The following COL21A1 variants were observed in gnomAD, a reference collection of about 807,000 sequenced individuals.
The protein encoded by COL21A1 is collagen alpha-1(XXI) chain.
A neutral mutation model predicts 137.9 loss-of-function variants in COL21A1; 149 were observed. The ratio of observed to expected loss-of-function variants is 1.08; its 90% confidence interval spans 0.95 to 1.24. The LOEUF (loss-of-function observed/expected upper bound fraction) is 1.24. Ranked by LOEUF, COL21A1 falls within the 50% of genes most tolerant of loss-of-function variation. The pLI, the probability that COL21A1 is intolerant of heterozygous loss-of-function variation, is 0.00. For missense variants in COL21A1, 1,167 were observed against 1,158.4 expected (o/e 1.01, Z -0.11); for synonymous variants, 456 against 391.5 (o/e 1.16, Z -1.95).
chr6:56,354,739 G>A (rs1298570777), intron 1 of COL21A1, among the ~76,000 whole-genome samples: 1 of 152,142 alleles, frequency 6.6e-6, no homozygotes, highest in African/African-American at 2.4e-5. Context: ...GTATGGTGGT[G>A]CATGCCTGCA....
At chr6:56,208,578 C>T (rs549339720) in intron 1 of COL21A1, among the ~76,000 whole-genome samples, 30 of 152,178 alleles carry the variant, frequency 2.0e-4, no homozygotes, top group Middle Eastern at 3.4e-3. Flanking sequence ...GAATCAATAT[C>T]GTGAAAATGA....
intron 1 of COL21A1, among the ~76,000 whole-genome samples, chr6:56,302,707 T>C (rs1335362767): frequency 1.3e-5 from 2 of 151,952 alleles, no homozygotes; most frequent in African/African-American, 4.8e-5. Context: ...GTAGTTTCTT[T>C]TGCTGTGCAG....
At chr6:56,313,382 A>T (rs1316707225) in intron 1 of COL21A1, among the ~76,000 whole-genome samples, 1 of 151,990 alleles carries the variant, frequency 6.6e-6, no homozygotes, top group African/African-American at 2.4e-5. Context: ...TCATAACAAC[A>T]TATCATAGGA....
intron 1 of COL21A1, among the ~76,000 whole-genome samples, chr6:56,290,499 A>ATTTTTTTT (rs1268560590): frequency 6.4e-5 from 9 of 139,968 alleles, no homozygotes; most frequent in Non-Finnish European, 3.0e-5. Flanking sequence ...CACTTAGGAG[A>ATTTTTTTT]TTTTTTTTTT....
In COL21A1 at chr6:56,067,187, C is replaced by A. The variant is rs78489060; in HGVS notation, c.2127+108G>T. 4.1e-3 allele frequency: 3,751 copies of A among 917,392 alleles called. 102 individuals carry two copies. The African/African-American group carries it at 0.058, about 14-fold the overall frequency. 56.8% of individuals were successfully genotyped at this position (917,392 alleles called of 1,614,324 possible). ...AGCAAAAGGAGAAAATAGGATTTAA[C>A]AACTTTATATTAATGTTGAAACAGA... On this transcript the variant is annotated intron_variant, in intron 23 of 29. Coordinates refer to ENST00000244728, the MANE Select transcript of COL21A1 (RefSeq NM_030820.4).
At chr6:56,384,768 T>C (rs576876286) in intron 1 of COL21A1, among the ~76,000 whole-genome samples, 3 of 152,298 alleles carry the variant, frequency 2.0e-5, no homozygotes, top group Admixed American at 6.5e-5. Flanking sequence ...TAATAACACT[T>C]ATAAGCCACT....
intron 1 of COL21A1, among the ~76,000 whole-genome samples, chr6:56,195,008 G>A (rs1778930248): frequency 6.6e-6 from 1 of 152,020 alleles, no homozygotes; most frequent in African/African-American, 2.4e-5. Flanking sequence ...GGGACTGGTG[G>A]CTTTATGAAA....
chr6:56,362,669 C>G (rs998968940), intron 1 of COL21A1, among the ~76,000 whole-genome samples: 1 of 152,190 alleles, frequency 6.6e-6, no homozygotes, highest in South Asian at 2.1e-4. Context: ...ACTTTCCACA[C>G]GGGCACAACC....
At chr6:56,157,990 G>A (rs908434473) in intron 9 of COL21A1, among the ~76,000 whole-genome samples, 4 of 152,100 alleles carry the variant, frequency 2.6e-5, no homozygotes, top group African/African-American at 4.8e-5. Flanking sequence ...GAACTCTTGC[G>A]TGTTGCCCAA....
intron 1 of COL21A1, among the ~76,000 whole-genome samples, chr6:56,308,419 G>A (rs6918786): frequency 0.84 from 128,196 of 151,988 alleles, 56,033 homozygotes; most frequent in South Asian, 0.97. Flanking sequence ...CTAGCCCAAA[G>A]GGACTAAGAC....
chr6:56,225,480 T>G (rs142730707), intron 1 of COL21A1, among the ~76,000 whole-genome samples: 1 of 152,064 alleles, frequency 6.6e-6, no homozygotes, highest in East Asian at 1.9e-4. Context: ...CTATGGTAGC[T>G]AGTGGAATGA....
rs533893930 is a variant in COL21A1 at position 56,271,085 on chromosome 6, G to A, written c.-38-88429C>T. Among the ~76,000 whole-genome samples, 24 of 152,302 alleles carry A rather than the reference G, an allele frequency of 1.6e-4. No individual in the cohort carries two copies. The East Asian group carries it at 4.4e-3, about 28-fold the overall frequency. ...GGAAGAGGTTGGAACAGTTTGGATG[G>A]CGCAGAAGAAGACAGTAAGATGAGG... On this transcript the variant is annotated intron_variant, in intron 1 of 28. Transcript: ENST00000370819.
chr6:56,139,960 C>T (rs372740209), intron 12 of COL21A1, among the ~76,000 whole-genome samples: 2 of 152,124 alleles, frequency 1.3e-5, no homozygotes, highest in East Asian at 3.9e-4. Flanking sequence ...ATTTCTTAAG[C>T]CCAGAAAAGT....
chr6:56,172,011 C>T (rs533546765), intron 3 of COL21A1, among the ~76,000 whole-genome samples: 1 of 150,618 alleles, frequency 6.6e-6, no homozygotes, highest in African/African-American at 2.4e-5. Context: ...GTGAAGAAAG[C>T]CTAAGAGATT....
chr6:56,225,407 T>C (rs868123389), intron 1 of COL21A1, among the ~76,000 whole-genome samples: 3 of 152,056 alleles, frequency 2.0e-5, no homozygotes, highest in African/African-American at 7.2e-5. Context: ...TACTACTCAC[T>C]CCTCAGTAAG....
intron 12 of COL21A1, among the ~76,000 whole-genome samples, chr6:56,137,931 G>A (rs562311551): frequency 6.6e-6 from 1 of 152,296 alleles, no homozygotes; most frequent in South Asian, 2.1e-4. Flanking sequence ...GCACACATAA[G>A]TCAGCACCAT....
chr6:56,186,381 C>A (rs142844998), intron 1 of COL21A1, among the ~76,000 whole-genome samples: 1 of 152,090 alleles, frequency 6.6e-6, no homozygotes, highest in African/African-American at 2.4e-5. Context: ...ATAAAAAAAT[C>A]GACATACAAC....
chr6:56,386,282 GTA>G (rs1322263189), intron 1 of COL21A1, among the ~76,000 whole-genome samples: 5 of 152,148 alleles, frequency 3.3e-5, no homozygotes, highest in Non-Finnish European at 7.3e-5. Context: ...ATACCCCATT[GTA>G]GGGCTATGAA....
chr6:56,106,603 C>G (rs932617424), intron 16 of COL21A1, among the ~76,000 whole-genome samples: 1 of 152,082 alleles, frequency 6.6e-6, no homozygotes, highest in Non-Finnish European at 1.5e-5. Flanking sequence ...ACATGTACAA[C>G]CCTGTTTATT....
Sources: gnomAD v4.1 joint callset for allele counts (sites outside exome capture counted in the v4.1 genomes callset) on GRCh38, gnomAD v4.1.1 for gene constraint, MANE v1.5 for transcripts, NCBI Gene and HGNC (gene_info 2026-07-23, HGNC 2026-07-21) for gene names.